The following LPP variants were observed in gnomAD, a reference collection of about 807,000 sequenced individuals.
LPP encodes the protein lipoma-preferred partner.
A neutral mutation model predicts 60.4 loss-of-function variants in LPP; 38 were observed. The observed-to-expected ratio is 0.63, with a 90% CI of 0.49 to 0.83. LPP has a LOEUF of 0.83. Ranked by LOEUF, LPP falls within the 40% of genes least tolerant of loss-of-function variation. The pLI is 0.00. For missense variants in LPP, 902 were observed against 783.6 expected (o/e 1.15, Z -1.80); for synonymous variants, 328 against 290.8 (o/e 1.13, Z -1.30).
intron 7 of LPP, among the ~76,000 whole-genome samples, chr3:188,622,549 A>G (rs1174936137): frequency 6.6e-6 from 1 of 152,140 alleles, no homozygotes; most frequent in African/African-American, 2.4e-5. Context: ...TTGCAATGTT[A>G]CTATATTACT....
At chr3:188,594,110 G>T (rs1456906845) in intron 6 of LPP, among the ~76,000 whole-genome samples, 1 of 152,108 alleles carries the variant, frequency 6.6e-6, no homozygotes, top group Non-Finnish European at 1.5e-5. Context: ...GAGTTATATA[G>T]CTTAGAACAA....
chr3:188,393,777 G>T (rs985381109), intron 3 of LPP, among the ~76,000 whole-genome samples: 15 of 152,116 alleles, frequency 9.9e-5, no homozygotes, highest in Non-Finnish European at 1.6e-4. Context: ...CTGATGATGG[G>T]ATATACTGTG....
At chr3:188,208,021 A>G (rs940272866) in intron 1 of LPP, among the ~76,000 whole-genome samples, 7 of 152,232 alleles carry the variant, frequency 4.6e-5, no homozygotes, top group Non-Finnish European at 8.8e-5. Flanking sequence ...AGATGCTCAC[A>G]CATCTATGCA....
At chr3:188,181,261 G>A (rs924761665) in intron 1 of LPP, among the ~76,000 whole-genome samples, 3 of 151,472 alleles carry the variant, frequency 2.0e-5, no homozygotes, top group Admixed American at 2.0e-4. Flanking sequence ...GCTGAGACAG[G>A]AGAATTGCTT....
At chr3:188,847,456 A>G (rs1349639016) in intron 9 of LPP, among the ~76,000 whole-genome samples, 3 of 152,218 alleles carry the variant, frequency 2.0e-5, no homozygotes, top group Non-Finnish European at 4.4e-5. Context: ...GTAGTCAGAA[A>G]CCCAGAAAGA....
At chr3:188,661,016 C>T (rs1854465189) in intron 7 of LPP, among the ~76,000 whole-genome samples, 1 of 152,124 alleles carries the variant, frequency 6.6e-6, no homozygotes, top group South Asian at 2.1e-4. Flanking sequence ...TCTCCCCCAA[C>T]CCCGGTAACC....
chr3:188,318,859 C>T (rs1417350189), intron 2 of LPP, among the ~76,000 whole-genome samples: 5 of 147,364 alleles, frequency 3.4e-5, no homozygotes, highest in South Asian at 4.3e-4. Flanking sequence ...CCCGGGTTCA[C>T]GCCATTCTCC....
At position 188,758,254 on chromosome 3, in the gene LPP, G is replaced by A. The variant is rs368753340; in HGVS notation, c.1241-1859G>A. On this transcript the variant is annotated intron_variant, in intron 8 of 11. Coordinates refer to ENST00000617246, the MANE Select transcript of LPP (RefSeq NM_001375462.1). The stretch of plus-strand genomic sequence containing the variant: ...CAGCTCACTGCAACCTCTGCCTCCC[G>A]GGTTCAAGCGATTCTCCTGCCTCAG... 8.7e-3 allele frequency among the ~76,000 whole-genome samples: 1,325 copies of A among 152,174 alleles called. 6 individuals are homozygous for A. The highest frequency in any genetic ancestry group is 0.012 in the Non-Finnish European group (791 of 68,000).
At chr3:188,414,049 G>A (rs1456799142) in intron 4 of LPP, among the ~76,000 whole-genome samples, 1 of 151,954 alleles carries the variant, frequency 6.6e-6, no homozygotes, top group East Asian at 1.9e-4. Flanking sequence ...CTCTTCTAGG[G>A]GCTGAAGTAA....
At chr3:188,854,646 C>A (rs1228258852) in intron 9 of LPP, among the ~76,000 whole-genome samples, 1 of 152,212 alleles carries the variant, frequency 6.6e-6, no homozygotes, top group Non-Finnish European at 1.5e-5. Flanking sequence ...GTTCTCTTTG[C>A]CACTCCCAGG....
chr3:188,197,559 G>A (rs1729894287), intron 1 of LPP, among the ~76,000 whole-genome samples: 1 of 152,236 alleles, frequency 6.6e-6, no homozygotes, highest in East Asian at 1.9e-4. Context: ...GTATAGCATA[G>A]AGGTGACCTC....
chr3:188,561,027 G>C (rs903243854), intron 6 of LPP, among the ~76,000 whole-genome samples: 3 of 152,022 alleles, frequency 2.0e-5, no homozygotes, highest in African/African-American at 7.2e-5. Flanking sequence ...CCAGGTCCTG[G>C]CCTGAATGTA....
chr3:188,361,297 G>A (rs983389450), intron 3 of LPP, among the ~76,000 whole-genome samples: 3 of 151,970 alleles, frequency 2.0e-5, no homozygotes, highest in South Asian at 2.1e-4. Flanking sequence ...TAGTAGTAGC[G>A]GTTGCCATTT....
intron 8 of LPP, among the ~76,000 whole-genome samples, chr3:188,719,322 AC>A (rs1715387930): frequency 6.6e-6 from 1 of 152,168 alleles, no homozygotes; most frequent in African/African-American, 2.4e-5. Flanking sequence ...TTCTTTTCTT[AC>A]GTTTACTTGA....
At chr3:188,251,119 C>CTCTT (rs1180053218) in intron 2 of LPP, among the ~76,000 whole-genome samples, 3 of 144,528 alleles carry the variant, frequency 2.1e-5, no homozygotes, top group South Asian at 2.3e-4. Flanking sequence ...CTCTATTTTC[C>CTCTT]TCTTTCTTTC....
At chr3:188,809,855 G>C (rs530084742) in intron 9 of LPP, among the ~76,000 whole-genome samples, 40 of 152,194 alleles carry the variant, frequency 2.6e-4, no homozygotes, top group African/African-American at 8.7e-4. Flanking sequence ...ATTAATTTTT[G>C]TGTAAGATGT....
intron 6 of LPP, among the ~76,000 whole-genome samples, chr3:188,599,581 T>C (rs1840653244): frequency 6.6e-6 from 1 of 152,126 alleles, no homozygotes; most frequent in African/African-American, 2.4e-5. Flanking sequence ...TGCTCTGAAG[T>C]GCCACACCAG....
At chr3:188,704,998 A>G (rs1865202227) in intron 7 of LPP, among the ~76,000 whole-genome samples, 1 of 152,140 alleles carries the variant, frequency 6.6e-6, no homozygotes, top group Non-Finnish European at 1.5e-5. Context: ...TCAACTTTGA[A>G]ACTGTGCTCC....
At chr3:188,645,076 G>A (rs1366387667) in intron 7 of LPP, among the ~76,000 whole-genome samples, 4 of 152,082 alleles carry the variant, frequency 2.6e-5, no homozygotes, top group Non-Finnish European at 2.9e-5. Context: ...ATACCTAGCC[G>A]CTTCTGGAAA....
Sources: allele counts gnomAD v4.1 joint callset (sites outside exome capture counted in the v4.1 genomes callset), GRCh38; gene constraint gnomAD v4.1.1; transcripts MANE v1.5; gene names NCBI Gene and HGNC (gene_info 2026-07-23, HGNC 2026-07-21).